PTPRD: variants seen among roughly 807,000 people sequenced by gnomAD.
PTPRD encodes receptor-type tyrosine-protein phosphatase delta.
In PTPRD, 34 loss-of-function variants were observed where a neutral mutation model predicts 214.5. That is an observed-to-expected ratio of 0.16 (90% CI 0.12 to 0.21). The LOEUF (loss-of-function observed/expected upper bound fraction) is 0.21, where lower values mean the gene tolerates loss of function less well. PTPRD is among the 10% of genes least tolerant of loss of function. PTPRD has a pLI of 1.00. For synonymous variants in PTPRD, 1,128 were observed against 845.7 expected, an observed-to-expected ratio of 1.33 and a Z score of -5.79; for missense variants, 2,545 against 2,398.7, an observed-to-expected ratio of 1.06 and a Z score of -1.27.
At chr9:8,704,120 C>A (rs981129937) in intron 12 of PTPRD, among the ~76,000 whole-genome samples, 14 of 152,108 alleles carry the variant, frequency 9.2e-5, no homozygotes, top group Admixed American at 7.2e-4. Flanking sequence ...AGAGTAGGGG[C>A]CAGCATTCTC....
intron 10 of PTPRD, among the ~76,000 whole-genome samples, chr9:9,168,329 A>T (rs1400753135): frequency 6.6e-6 from 1 of 152,152 alleles, no homozygotes; most frequent in Non-Finnish European, 1.5e-5. Flanking sequence ...TTACTTTTTT[A>T]ACATTTATTC....
chr9:8,975,569 C>T (rs2099263685), intron 11 of PTPRD, among the ~76,000 whole-genome samples: 1 of 151,754 alleles, frequency 6.6e-6, no homozygotes, highest in African/African-American at 2.4e-5. Flanking sequence ...ATGACAATTT[C>T]AGGAAAGGAC....
chr9:9,053,140 T>G (rs1485715230), intron 10 of PTPRD, among the ~76,000 whole-genome samples: 1 of 152,096 alleles, frequency 6.6e-6, no homozygotes, highest in Non-Finnish European at 1.5e-5. Flanking sequence ...AATAGTAACA[T>G]GTATTAGGTT....
intron 5 of PTPRD, among the ~76,000 whole-genome samples, chr9:9,883,178 G>A (rs1377871553): frequency 1.3e-5 from 2 of 152,180 alleles, no homozygotes; most frequent in South Asian, 2.1e-4. Flanking sequence ...TCCCATCCTT[G>A]AAGGTGCTTA....
chr9:8,990,350 G>A (rs541645606), intron 11 of PTPRD, among the ~76,000 whole-genome samples: 1 of 152,152 alleles, frequency 6.6e-6, no homozygotes, highest in Non-Finnish European at 1.5e-5. Flanking sequence ...AAGTTCATAG[G>A]TTTACAGAAT....
chr9:9,669,950 C>A (rs2096795628), intron 7 of PTPRD, among the ~76,000 whole-genome samples: 1 of 152,132 alleles, frequency 6.6e-6, no homozygotes, highest in Non-Finnish European at 1.5e-5. Flanking sequence ...TATCCCTTTA[C>A]AAATGTTCTA....
At chr9:9,937,223 A>C (rs971779596) in intron 5 of PTPRD, among the ~76,000 whole-genome samples, 2 of 151,604 alleles carry the variant, frequency 1.3e-5, no homozygotes, top group African/African-American at 4.8e-5. Flanking sequence ...CTTAAAGTAA[A>C]ATAATAAAAA....
chr9:9,525,229 T>C (rs971812359), intron 8 of PTPRD, among the ~76,000 whole-genome samples: 1 of 152,186 alleles, frequency 6.6e-6, no homozygotes, highest in Non-Finnish European at 1.5e-5. Context: ...TCTGGGTATC[T>C]GGTCCTCTTT....
intron 9 of PTPRD, among the ~76,000 whole-genome samples, chr9:9,391,137 T>C (rs1300422575): frequency 1.4e-5 from 2 of 146,908 alleles, no homozygotes; most frequent in African/African-American, 5.0e-5. Flanking sequence ...GAATGGAGGG[T>C]TTATGATCAG....
At chr9:8,616,970 G>T (rs892128992) in intron 14 of PTPRD, among the ~76,000 whole-genome samples, 5 of 151,994 alleles carry the variant, frequency 3.3e-5, no homozygotes, top group African/African-American at 1.2e-4. Flanking sequence ...GTTTAATCGG[G>T]GATTATCAGT....
chr9:9,903,971 C>A (rs563962589), intron 5 of PTPRD, among the ~76,000 whole-genome samples: 85 of 152,246 alleles, frequency 5.6e-4, no homozygotes, highest in Non-Finnish European at 9.6e-4. Context: ...TAACCTCTAT[C>A]TTGGGTCAAA....
rs184523650 is a variant in PTPRD, at chr9:8,532,679, T to A, written c.353-3900A>T. 7.2e-5 allele frequency among the ~76,000 whole-genome samples: 11 copies of A among 152,194 alleles called. No individual in the cohort carries two copies. In the East Asian group the frequency reaches 2.1e-3, roughly 29 times the overall value. ...TCATGCAGAATTAGCTACTAATTCA[T>A]CAACCATTTAAATCAGACTTGACCT... On this transcript the variant is annotated intron_variant, in intron 14 of 45. Coordinates refer to ENST00000381196, the MANE Select transcript of PTPRD (RefSeq NM_002839.4).
intron 9 of PTPRD, among the ~76,000 whole-genome samples, chr9:9,309,758 C>T (rs566520370): frequency 1.3e-5 from 2 of 152,276 alleles, no homozygotes; most frequent in East Asian, 3.9e-4. Flanking sequence ...CATACTGCCA[C>T]AGCATCTTAG....
At chr9:10,287,898 C>T (rs2095412642) in intron 3 of PTPRD, among the ~76,000 whole-genome samples, 1 of 151,964 alleles carries the variant, frequency 6.6e-6, no homozygotes, top group Non-Finnish European at 1.5e-5. Flanking sequence ...GGGGTTTTCT[C>T]TCCTAAGAGA....
intron 2 of PTPRD, among the ~76,000 whole-genome samples, chr9:10,585,757 G>T (rs796576291): frequency 2.0e-5 from 3 of 151,648 alleles, no homozygotes; most frequent in South Asian, 2.1e-4. Context: ...ACAAGTGTGT[G>T]GGGGGAAAAG....
At chr9:10,156,240 G>A (rs980460563) in intron 3 of PTPRD, among the ~76,000 whole-genome samples, 1 of 151,744 alleles carries the variant, frequency 6.6e-6, no homozygotes, top group Non-Finnish European at 1.5e-5. Context: ...TTGTTAATTT[G>A]AGATTGTTCT....
intron 9 of PTPRD, among the ~76,000 whole-genome samples, chr9:9,248,025 T>C (rs765646596): frequency 6.6e-6 from 1 of 152,018 alleles, no homozygotes; most frequent in Non-Finnish European, 1.5e-5. Flanking sequence ...CAGTACACTG[T>C]AGGTATTGAG....
At chr9:9,052,841 C>A (rs1029325747) in intron 10 of PTPRD, among the ~76,000 whole-genome samples, 6 of 152,076 alleles carry the variant, frequency 3.9e-5, no homozygotes, top group South Asian at 4.1e-4. Flanking sequence ...AAAATAAAAT[C>A]TTCTAGGCAG....
intron 8 of PTPRD, among the ~76,000 whole-genome samples, chr9:9,534,174 A>G (rs1276927027): frequency 2.0e-5 from 3 of 152,110 alleles, no homozygotes; most frequent in Non-Finnish European, 4.4e-5. Flanking sequence ...CTAGTAAGGA[A>G]GATCATTCTG....
Sources: allele counts gnomAD v4.1 joint callset (sites outside exome capture counted in the v4.1 genomes callset), GRCh38; gene constraint gnomAD v4.1.1; transcripts MANE v1.5; gene names NCBI Gene and HGNC (gene_info 2026-07-23, HGNC 2026-07-21).